THADA: variants seen among roughly 807,000 people sequenced by gnomAD.
THADA encodes the protein tRNA (32-2'-O)-methyltransferase regulator THADA.
THADA carries 213 observed loss-of-function variants against 219.8 expected under a neutral mutation model. The ratio of observed to expected loss-of-function variants is 0.97; its 90% confidence interval spans 0.87 to 1.09. THADA has a LOEUF of 1.09. Ranked by LOEUF, THADA falls within the 50% of genes least tolerant of loss-of-function variation. The probability of loss-of-function intolerance (pLI) is 0.00; values close to 1 mark genes in which losing one functional copy is unlikely to be tolerated. For synonymous variants in THADA, 1,018 were observed against 828.9 expected (o/e 1.23, Z -3.92); for missense variants, 2,956 against 2,311.3 (o/e 1.28, Z -5.72).
intron 36 of THADA, among the ~76,000 whole-genome samples, chr2:43,250,228 A>G (rs1324495293): frequency 6.6e-6 from 1 of 152,268 alleles, no homozygotes; most frequent in Non-Finnish European, 1.5e-5. Flanking sequence ...AGCCATAAAA[A>G]GAACTAAAAG....
At chr2:43,570,627 T>A (rs1699188467) in intron 13 of THADA, 117 bp from the exon 14 acceptor site, 3 of 1,051,634 alleles carry the variant, frequency 2.9e-6, no homozygotes, top group South Asian at 4.3e-5. Context: ...ATTTTTAAGC[T>A]CTTAATATTT....
intron 36 of THADA, among the ~76,000 whole-genome samples, chr2:43,273,586 ACT>A (rs1265106704): frequency 7.9e-5 from 12 of 151,554 alleles, no homozygotes; most frequent in African/African-American, 2.9e-4. Flanking sequence ...CTAGTGCCTG[ACT>A]CTGTGATCTG....
chr2:43,231,504 G>T (rs1016926296), intron 37 of THADA, among the ~76,000 whole-genome samples, 161 bp from the exon 38 acceptor site: 5 of 152,192 alleles, frequency 3.3e-5, no homozygotes, highest in Non-Finnish European at 5.9e-5. Context: ...CACACCACTT[G>T]CAGCCTTGAA....
intron 23 of THADA, among the ~76,000 whole-genome samples, chr2:43,506,712 T>C (rs949257399): frequency 6.6e-6 from 1 of 152,186 alleles, no homozygotes; most frequent in Non-Finnish European, 1.5e-5. Flanking sequence ...AAAGGGTGAC[T>C]ATATAGTATG....
chr2:43,418,122 T>C lies in THADA; in HGVS notation c.4058+9978A>G, dbSNP rs187181809. Among the ~76,000 whole-genome samples, 241 of 152,290 alleles carry C rather than the reference T, an allele frequency of 1.6e-3. 1 individual carries two copies. The highest frequency in any genetic ancestry group is 4.7e-3 in the African/African-American group (194 of 41,560). On this transcript the variant is annotated intron_variant, in intron 28 of 37. Transcript: ENST00000405975. ...TCTGTTTCTAGTGCCTGAAACATAATTGTTTTCAATAAATATCTGTTGAGT... is the reference window on the plus strand; with the variant it reads ...TCTGTTTCTAGTGCCTGAAACATAACTGTTTTCAATAAATATCTGTTGAGT...
chr2:43,262,295 C>G (rs1381446282), intron 36 of THADA, among the ~76,000 whole-genome samples: 1 of 152,232 alleles, frequency 6.6e-6, no homozygotes, highest in Non-Finnish European at 1.5e-5. Flanking sequence ...AGGATGCACA[C>G]TCTTTATTGT....
chr2:43,463,546 GTTTCT>G (rs1193808111), intron 26 of THADA, among the ~76,000 whole-genome samples: 4 of 152,076 alleles, frequency 2.6e-5, no homozygotes, highest in Non-Finnish European at 4.4e-5. Context: ...CTTGCTCTCT[GTTTCT>G]TTTAAGTATT....
At chr2:43,299,413 C>G (rs1052865098) in intron 31 of THADA, among the ~76,000 whole-genome samples, 5 of 152,158 alleles carry the variant, frequency 3.3e-5, no homozygotes, top group African/African-American at 1.2e-4. Flanking sequence ...AATCCCAGCA[C>G]TTTGGGAGGC....
At chr2:43,422,733 G>T (rs1039735867) in intron 28 of THADA, among the ~76,000 whole-genome samples, 2 of 151,742 alleles carry the variant, frequency 1.3e-5, no homozygotes, top group African/African-American at 4.8e-5. Context: ...AGGCTTTTTT[G>T]GGGGACAGGG....
At chr2:43,297,775 G>A (rs1675696901) in intron 31 of THADA, among the ~76,000 whole-genome samples, 1 of 127,198 alleles carries the variant, frequency 7.9e-6, no homozygotes, top group Non-Finnish European at 1.7e-5. Context: ...AGGGAGGTGG[G>A]GGGGTCGGCC....
chr2:43,358,463 A>T (rs1312097246), intron 29 of THADA, among the ~76,000 whole-genome samples: 2 of 152,328 alleles, frequency 1.3e-5, no homozygotes. Flanking sequence ...CTGGGGGCAG[A>T]GAAGGCTGTT....
intron 25 of THADA, among the ~76,000 whole-genome samples, chr2:43,492,658 T>C (rs759073904): frequency 2.0e-5 from 3 of 152,132 alleles, no homozygotes; most frequent in Middle Eastern, 3.2e-3. Context: ...GAGATTTGGG[T>C]TCTAATTCGC....
At chr2:43,329,949 C>T (rs1182407814) in intron 30 of THADA, among the ~76,000 whole-genome samples, 1 of 152,222 alleles carries the variant, frequency 6.6e-6, no homozygotes, top group East Asian at 1.9e-4. Flanking sequence ...GTTTACACTT[C>T]CATTACTCAC....
chr2:43,387,280 T>G (rs910281524), intron 29 of THADA, among the ~76,000 whole-genome samples: 7 of 152,196 alleles, frequency 4.6e-5, no homozygotes, highest in Non-Finnish European at 5.9e-5. Flanking sequence ...GAATTCAGTT[T>G]CAACTATACA....
intron 26 of THADA, among the ~76,000 whole-genome samples, chr2:43,458,822 A>C (rs1248789716): frequency 6.6e-6 from 1 of 152,192 alleles, no homozygotes; most frequent in Non-Finnish European, 1.5e-5. Context: ...GGATGTATAT[A>C]TGTGGTTATG....
intron 29 of THADA, among the ~76,000 whole-genome samples, chr2:43,397,378 T>C (rs1032408848): frequency 1.3e-5 from 2 of 152,240 alleles, no homozygotes; most frequent in Non-Finnish European, 1.5e-5. Context: ...GCAGTTTCAG[T>C]AAAAAGTCTC....
chr2:43,310,648 T>C (rs1450145437), intron 31 of THADA, among the ~76,000 whole-genome samples: 1 of 152,174 alleles, frequency 6.6e-6, no homozygotes, highest in Non-Finnish European at 1.5e-5. Flanking sequence ...GAGGAAAACA[T>C]GGGTGCAAAT....
chr2:43,463,492 C>G (rs1683873900), intron 26 of THADA, among the ~76,000 whole-genome samples: 1 of 152,334 alleles, frequency 6.6e-6, no homozygotes, highest in South Asian at 2.1e-4. Context: ...AATGTTTGTT[C>G]TAGCTGTTCT....
At chr2:43,545,067 T>TGA (rs1317313642) in intron 20 of THADA, among the ~76,000 whole-genome samples, 1 of 152,036 alleles carries the variant, frequency 6.6e-6, no homozygotes. Context: ...TCTAATTTAT[T>TGA]GAGTTTTTAG....
Sources: gnomAD v4.1 joint callset for allele counts (sites outside exome capture counted in the v4.1 genomes callset) on GRCh38, gnomAD v4.1.1 for gene constraint, MANE v1.5 for transcripts, NCBI Gene and HGNC (gene_info 2026-07-23, HGNC 2026-07-21) for gene names.